NTM: variants seen among roughly 807,000 people sequenced by gnomAD.
NTM encodes the protein IgLON family member 2.
In NTM, 13 loss-of-function variants were observed where a neutral mutation model predicts 42.1. The observed-to-expected ratio is 0.31, with a 90% CI of 0.20 to 0.49. NTM has a LOEUF of 0.49. NTM is among the 20% of genes least tolerant of loss of function. NTM has a pLI of 0.99. For synonymous variants in NTM, 187 were observed against 179.2 expected (o/e 1.04, Z -0.35); for missense variants, 373 against 452.8 (o/e 0.82, Z 1.60).
intron 1 of NTM, among the ~76,000 whole-genome samples, chr11:131,709,487 A>G (rs2076908237): frequency 6.6e-6 from 1 of 152,230 alleles, no homozygotes. Context: ...AGATTTCCTG[A>G]TGGATTGGTT....
At chr11:131,853,691 T>C (rs2045818690) in intron 1 of NTM, among the ~76,000 whole-genome samples, 1 of 152,228 alleles carries the variant, frequency 6.6e-6, no homozygotes, top group Non-Finnish European at 1.5e-5. Flanking sequence ...TGAATAGTGC[T>C]GCAATAAACA....
intron 1 of NTM, among the ~76,000 whole-genome samples, chr11:131,619,375 A>T (rs1444918405): frequency 6.6e-6 from 1 of 152,162 alleles, no homozygotes; most frequent in Non-Finnish European, 1.5e-5. Flanking sequence ...CAGTCAGAAA[A>T]ACCTGGAACA....
At chr11:131,849,723 G>T (rs1266035485) in intron 1 of NTM, among the ~76,000 whole-genome samples, 1 of 150,428 alleles carries the variant, frequency 6.6e-6, no homozygotes, top group Non-Finnish European at 1.5e-5. Context: ...ACATTTCAGA[G>T]CCCTTTATGG....
chr11:131,967,356 CT>C (rs1311846525), intron 2 of NTM, among the ~76,000 whole-genome samples: 2 of 152,132 alleles, frequency 1.3e-5, no homozygotes, highest in Non-Finnish European at 2.9e-5. Context: ...TGGGGGGCAA[CT>C]GATATATACT....
At chr11:131,962,971 C>A (rs2062396536) in intron 2 of NTM, among the ~76,000 whole-genome samples, 1 of 152,168 alleles carries the variant, frequency 6.6e-6, no homozygotes, top group Non-Finnish European at 1.5e-5. Flanking sequence ...TGTGAAATAG[C>A]GTTTGCTACA....
intron 2 of NTM, among the ~76,000 whole-genome samples, chr11:131,974,079 T>C (rs1016461498): frequency 1.3e-5 from 2 of 152,160 alleles, no homozygotes; most frequent in Non-Finnish European, 2.9e-5. Flanking sequence ...TTCTTTTCTC[T>C]AGCTTACTTT....
At chr11:132,242,950 A>C (rs1160428767) in intron 4 of NTM, among the ~76,000 whole-genome samples, 2 of 152,114 alleles carry the variant, frequency 1.3e-5, no homozygotes, top group Admixed American at 6.5e-5. Flanking sequence ...TGTATTTGAA[A>C]ACACATAAGG....
chr11:131,452,220 G>T (rs1309716237), intron 1 of NTM, among the ~76,000 whole-genome samples: 1 of 152,222 alleles, frequency 6.6e-6, no homozygotes, highest in Non-Finnish European at 1.5e-5. Flanking sequence ...TGTTGGCAGT[G>T]CCTGGACTCC....
intron 1 of NTM, among the ~76,000 whole-genome samples, chr11:131,390,693 G>A (rs1264454768): frequency 6.6e-6 from 1 of 152,128 alleles, no homozygotes; most frequent in Non-Finnish European, 1.5e-5. Flanking sequence ...ACTTCAGTTT[G>A]CATGTGTATC....
chr11:131,526,983 C>G (rs1292395322), intron 1 of NTM, among the ~76,000 whole-genome samples: 1 of 152,200 alleles, frequency 6.6e-6, no homozygotes, highest in Admixed American at 6.5e-5. Context: ...TACTGTCCCC[C>G]CATGTTGCAG....
intron 2 of NTM, among the ~76,000 whole-genome samples, chr11:132,001,092 G>A (rs1283265163): frequency 6.6e-6 from 1 of 152,184 alleles, no homozygotes; most frequent in Non-Finnish European, 1.5e-5. Context: ...AGCATATTGT[G>A]AGGAGCGTTT....
intron 1 of NTM, among the ~76,000 whole-genome samples, chr11:131,628,196 A>G (rs753631447): frequency 6.6e-6 from 1 of 152,168 alleles, no homozygotes; most frequent in African/African-American, 2.4e-5. Flanking sequence ...TGAGGAGACA[A>G]TCTCCCACAC....
intron 2 of NTM, among the ~76,000 whole-genome samples, chr11:132,015,510 C>T (rs2135466321): frequency 6.6e-6 from 1 of 151,902 alleles, no homozygotes; most frequent in Admixed American, 6.6e-5. Context: ...AGTTTTAATT[C>T]ATCCAATTCA....
intron 1 of NTM, among the ~76,000 whole-genome samples, chr11:131,836,324 C>T (rs2136613387): frequency 6.6e-6 from 1 of 152,254 alleles, no homozygotes; most frequent in Non-Finnish European, 1.5e-5. Flanking sequence ...CTTCTCCAAG[C>T]CAGAATTCTT....
intron 1 of NTM, among the ~76,000 whole-genome samples, chr11:131,819,148 C>T (rs538496767): frequency 3.3e-5 from 5 of 152,242 alleles, no homozygotes; most frequent in African/African-American, 4.8e-5. Flanking sequence ...AAGTTCATGA[C>T]GAAACCCCAT....
At chr11:131,918,598 G>A (rs35800890) in intron 2 of NTM, among the ~76,000 whole-genome samples, 15,769 of 152,188 alleles carry the variant, frequency 0.1, 891 homozygotes, top group East Asian at 0.2. Context: ...GACTCAAGAT[G>A]GGTGGTGTCT....
At chr11:132,210,698 G>A (rs2138646842) in intron 3 of NTM, among the ~76,000 whole-genome samples, 1 of 152,270 alleles carries the variant, frequency 6.6e-6, no homozygotes, top group Middle Eastern at 3.4e-3. Flanking sequence ...CAGATGTGCA[G>A]CAACAATGAG....
chr11:132,295,703 G>C (rs979880899), intron 4 of NTM, among the ~76,000 whole-genome samples: 1 of 152,168 alleles, frequency 6.6e-6, no homozygotes, highest in Non-Finnish European at 1.5e-5. Context: ...GTGGGTGTAG[G>C]GGGAAGTGAG....
chr11:131,480,596 T>C (rs568448125), intron 1 of NTM, among the ~76,000 whole-genome samples: 38 of 152,098 alleles, frequency 2.5e-4, no homozygotes, highest in Non-Finnish European at 5.1e-4. Flanking sequence ...ATAGGGGTGG[T>C]TTAAAATAAA....
Sources: allele counts gnomAD v4.1 joint callset (sites outside exome capture counted in the v4.1 genomes callset), GRCh38; gene constraint gnomAD v4.1.1; transcripts MANE v1.5; gene names NCBI Gene and HGNC (gene_info 2026-07-23, HGNC 2026-07-21).